ERAP1: variants seen among roughly 807,000 people sequenced by gnomAD.
ERAP1 encodes adipocyte-derived leucine aminopeptidase.
Under a neutral mutation model 103.7 loss-of-function variants are expected in ERAP1, and 86 were observed. The observed-to-expected ratio is 0.83, with a 90% CI of 0.70 to 0.99. ERAP1 has a LOEUF of 0.99. ERAP1 is among the 50% of genes least tolerant of loss of function. ERAP1 has a pLI of 0.00. For missense variants in ERAP1, 1,009 were observed against 1,128.4 expected, an observed-to-expected ratio of 0.89 and a Z score of 1.52; for synonymous variants, 398 against 402.4, an observed-to-expected ratio of 0.99 and a Z score of 0.13.
chr5:96,849,678 A>G, the ERAP1 span, among the ~76,000 whole-genome samples: 2 of 152,188 alleles, frequency 1.3e-5, no homozygotes, highest in African/African-American at 4.8e-5. Flanking sequence ...AAATGTCCAT[A>G]CTACCCAAAA....
rs1050891855 is a variant in ERAP1, at chr5:96,786,590, A to G, written c.1680-41T>C. The G allele has an allele frequency of 4.6e-6, 6 of 1,310,368 alleles. No individual in the cohort carries two copies. The African/African-American group carries it at 7.2e-5, about 16-fold the overall frequency. 81.2% of individuals were successfully genotyped at this position (1,310,368 alleles called of 1,614,324 possible). A position where few individuals can be genotyped will look rare whatever the true frequency, so the allele number is the denominator to read the frequency against. ...GGTGGATTGTTCATTTGTTGATTCA[A>G]TTCAACAAGCAGTTATTAAATCACC... On this transcript the variant is annotated intron_variant, in intron 11 of 18. Coordinates refer to ENST00000443439, the MANE Select transcript of ERAP1 (RefSeq NM_001040458.3).
the ERAP1 span, among the ~76,000 whole-genome samples, chr5:96,914,222 A>C: frequency 6.6e-6 from 1 of 151,998 alleles, no homozygotes; most frequent in Admixed American, 6.6e-5. Context: ...CTAAAATGTC[A>C]TTTATGACTT....
chr5:96,893,371 A>G, the ERAP1 span, among the ~76,000 whole-genome samples: 1 of 152,160 alleles, frequency 6.6e-6, no homozygotes, highest in Non-Finnish European at 1.5e-5. Context: ...CACAATAATG[A>G]GCTGTTGTTC....
At chr5:96,891,652 C>T in the ERAP1 span, among the ~76,000 whole-genome samples, 1 of 151,616 alleles carries the variant, frequency 6.6e-6, no homozygotes, top group Non-Finnish European at 1.5e-5. Flanking sequence ...TGCACTTTTT[C>T]CCCCCACAAC....
the ERAP1 span, among the ~76,000 whole-genome samples, chr5:96,893,038 A>C: frequency 6.6e-6 from 1 of 152,208 alleles, no homozygotes; most frequent in Non-Finnish European, 1.5e-5. Context: ...TGCGGATCAC[A>C]TAGTAAGCAC....
the ERAP1 span, among the ~76,000 whole-genome samples, chr5:96,899,398 A>G: frequency 6.6e-6 from 1 of 152,202 alleles, no homozygotes; most frequent in African/African-American, 2.4e-5. Flanking sequence ...CTTGCCCACC[A>G]TTGTGTCACA....
Position 96,775,942 on chromosome 5 carries a change from T to TGGAG in ERAP1, c.*450_*453dup. The TGGAG allele has an allele frequency of 9.6e-7, 1 of 1,039,336 alleles. No individual in the cohort carries two copies. Among genetic ancestry groups the TGGAG allele is most frequent in the Non-Finnish European group, 1.2e-6 (1 of 860,156 alleles). The allele number at this position is 1,039,336 out of a possible 1,614,324, so 64.4% of individuals were successfully genotyped here. ...AAGGAAGAGGGATGGGCAGCGGGTC[T>TGGAG]GGAGGGGTGAGCCGGGAGAGCTTTA... On this transcript the variant is annotated 3_prime_UTR_variant, in exon 19 of 19. Coordinates refer to ENST00000443439, the MANE Select transcript of ERAP1 (RefSeq NM_001040458.3).
At chr5:96,797,499 T>TGAA (rs1777475965) in intron 3 of ERAP1, among the ~76,000 whole-genome samples, 190 bp from the exon 4 acceptor site, 1 of 152,050 alleles carries the variant, frequency 6.6e-6, no homozygotes, top group Admixed American at 6.5e-5. Context: ...ACCCTATCTC[T>TGAA]ACAAAAAAAA....
the ERAP1 span, among the ~76,000 whole-genome samples, chr5:96,920,899 T>C: frequency 3.9e-5 from 6 of 152,216 alleles, no homozygotes; most frequent in Non-Finnish European, 7.3e-5. Context: ...ATCTTCTATT[T>C]TAATAGTCTG....
the ERAP1 span, chr5:96,934,900 CGGCCTCTGCAGCGAGGGTGGT>C: frequency 6.5e-6 from 1 of 153,044 alleles, no homozygotes; most frequent in Non-Finnish European, 1.5e-5. Context: ...GGGAGGGCGG[CGGCCTCTGCAGCGAGGGTGGT>C]GGCGATGCGC....
the ERAP1 span, chr5:96,909,452 G>A: frequency 2.0e-5 from 15 of 738,090 alleles, no homozygotes; most frequent in South Asian, 1.3e-4. Flanking sequence ...AGAGAAATAC[G>A]AAGATACACT....
the ERAP1 span, among the ~76,000 whole-genome samples, chr5:96,874,277 T>C: frequency 6.6e-6 from 1 of 152,194 alleles, no homozygotes; most frequent in Non-Finnish European, 1.5e-5. Flanking sequence ...TGGCTCAATT[T>C]TCACTTCTAG....
chr5:96,928,722 G>A, the ERAP1 span, among the ~76,000 whole-genome samples: 4 of 152,200 alleles, frequency 2.6e-5, no homozygotes, highest in Non-Finnish European at 5.9e-5. Context: ...ACATGAGCAT[G>A]ACAGCAGAGC....
At chr5:96,897,103 G>A in the ERAP1 span, among the ~76,000 whole-genome samples, 1 of 152,076 alleles carries the variant, frequency 6.6e-6, no homozygotes, top group Non-Finnish European at 1.5e-5. Flanking sequence ...TCTCTTCTAC[G>A]ACTAATCCTA....
intron 1 of ERAP1, among the ~76,000 whole-genome samples, chr5:96,805,346 G>GTTGT (rs780613819): frequency 5.1e-4 from 61 of 119,082 alleles, no homozygotes; most frequent in African/African-American, 2.0e-3. Flanking sequence ...CTGGTTTTTG[G>GTTGT]TTTTTTTTTT....
At chr5:96,831,239 C>T in the ERAP1 span, among the ~76,000 whole-genome samples, 1 of 152,082 alleles carries the variant, frequency 6.6e-6, no homozygotes, top group Non-Finnish European at 1.5e-5. Context: ...TTTTAAACAA[C>T]CAGATCTCAC....
At chr5:96,824,752 TA>T in the ERAP1 span, among the ~76,000 whole-genome samples, 1 of 152,182 alleles carries the variant, frequency 6.6e-6, no homozygotes, top group Admixed American at 6.5e-5. Flanking sequence ...TTTATTCCAT[TA>T]AAAAAATGTT....
At chr5:96,896,410 C>T in the ERAP1 span, 1 of 1,611,990 alleles carries the variant, frequency 6.2e-7, no homozygotes, top group African/African-American at 1.3e-5. Context: ...GAAGTAATTA[C>T]AAAAGATTCA....
At chr5:96,873,825 T>G in the ERAP1 span, among the ~76,000 whole-genome samples, 1 of 152,158 alleles carries the variant, frequency 6.6e-6, no homozygotes, top group South Asian at 2.1e-4. Context: ...TGCAAAAAGC[T>G]TATGTTCTAG....
Sources: gnomAD v4.1 joint callset for allele counts (sites outside exome capture counted in the v4.1 genomes callset) on GRCh38, gnomAD v4.1.1 for gene constraint, MANE v1.5 for transcripts, NCBI Gene and HGNC (gene_info 2026-07-23, HGNC 2026-07-21) for gene names.